PDE6G: variants seen among roughly 807,000 people sequenced by gnomAD.
PDE6G encodes phosphodiesterase 6G, also known as rod cGMP 3',5'-cyclic phosphodiesterase subunit gamma.
A neutral mutation model predicts 10.9 loss-of-function variants in PDE6G; 10 were observed. The ratio of observed to expected loss-of-function variants is 0.91; its 90% CI spans 0.56 to 1.55. The LOEUF (loss-of-function observed/expected upper bound fraction) is 1.55. Ranked by LOEUF, PDE6G falls within the 40% of genes most tolerant of loss-of-function variation. The pLI is 0.00. For missense variants in PDE6G, 102 were observed against 110.1 expected, an observed-to-expected ratio of 0.93 and a Z score of 0.33; for synonymous variants, 41 against 42.8, an observed-to-expected ratio of 0.96 and a Z score of 0.16.
At chr17:81,657,275 G>T (rs1315973620), upstream of PDE6G, among the ~76,000 whole-genome samples, 2 of 152,198 alleles carry the variant, frequency 1.3e-5, no homozygotes, top group African/African-American at 4.8e-5. Flanking sequence ...ACATGAGCGG[G>T]AGCTGAGGAC....
chr17:81,661,596 C>CAT (rs1173390310), intron 1 of PDE6G, among the ~76,000 whole-genome samples: 3 of 152,150 alleles, frequency 2.0e-5, no homozygotes, highest in African/African-American at 7.2e-5. Flanking sequence ...TGCAGTGGCT[C>CAT]ACGCCTGTAA....
chr17:81,652,103 C>A (rs1342121656), intron 2 of PDE6G, among the ~76,000 whole-genome samples: 1 of 151,688 alleles, frequency 6.6e-6, no homozygotes, highest in Non-Finnish European at 1.5e-5. Flanking sequence ...TGTGCGCACA[C>A]GTGTGAGTGG....
chr17:81,662,238 C>A (rs746762059), intron 1 of PDE6G, among the ~76,000 whole-genome samples: 11 of 152,092 alleles, frequency 7.2e-5, no homozygotes, highest in African/African-American at 2.2e-4. Context: ...CGTCAACCTT[C>A]GCAAAATAAC....
upstream of PDE6G, chr17:81,656,979 A>ACC (rs71166164): frequency 0.013 from 2,869 of 219,954 alleles, 78 homozygotes; most frequent in African/African-American, 0.065. Context: ...CCAAACAAGG[A>ACC]CCCCCCCCCG....
intron 1 of PDE6G, 38 bp downstream of exon 1, chr17:81,656,455 G>A (rs779815540): frequency 4.0e-6 from 3 of 744,718 alleles, no homozygotes; most frequent in African/African-American, 1.7e-5. Context: ...TGGGGGAAGT[G>A]GCTGCCAGGA....
chr17:81,653,102 G>A lies in PDE6G; in HGVS notation c.146+58C>T, dbSNP rs2036387748. ...GGCTCTGCCCCGCCCTCCCCTTCCT[G>A]TGCAGCCTCAGGACCGCCTCCTCCC... On this transcript the variant is annotated intron_variant, in intron 2 of 3. Coordinates refer to ENST00000331056, the MANE Select transcript of PDE6G (RefSeq NM_002602.4). The surrounding 1 kb of genome is among the most constrained non-coding windows in gnomAD (Gnocchi z 5.2). 10 of 1,594,994 alleles carry A rather than the reference G, an allele frequency of 6.3e-6. No homozygotes were observed. The highest frequency in any genetic ancestry group is 7.7e-6 in the Non-Finnish European group (9 of 1,163,766).
chr17:81,656,491 A>C lies in PDE6G; in HGVS notation c.-60+2T>G, dbSNP rs2036448275. On this transcript the variant is annotated splice_donor_variant, in intron 1 of 3. Transcript: ENST00000331056. LOFTEE classifies it low-confidence loss of function (5UTR_SPLICE). ...AAGACAGCGGGGTTGGCCACTACTC[A>C]CCAAGTGCAGGGCGGGTCTCAGGGG... The C allele has an allele frequency of 3.9e-6, 3 of 762,562 alleles. No individual in the cohort carries two copies. In the East Asian group the frequency reaches 7.3e-5, roughly 19 times the overall value. 47.2% of individuals were successfully genotyped at this position (762,562 alleles called of 1,614,324 possible).
At chr17:81,660,588 C>T (rs1033053147), upstream of PDE6G, among the ~76,000 whole-genome samples, 1 of 152,128 alleles carries the variant, frequency 6.6e-6, no homozygotes, top group Non-Finnish European at 1.5e-5. Flanking sequence ...CCTCCTCAGG[C>T]TCAAGCAATC....
Position 81,653,431 on chromosome 17 carries a change from C to T in PDE6G, c.-59-67G>A, listed in dbSNP as rs533492060. ...TTCCAACCCTTGTGGGGGTCTCAAC[C>T]CACCGGTGGAGGGGCTGAGACCCAG... is the stretch of plus-strand genomic sequence containing the variant. On this transcript the variant is annotated intron_variant, in intron 1 of 3. Coordinates refer to ENST00000331056, the MANE Select transcript of PDE6G (RefSeq NM_002602.4). The surrounding 1 kb of genome is among the most constrained non-coding windows in gnomAD (Gnocchi z 5.2). 9.1e-4 allele frequency: 1,038 copies of T among 1,141,312 alleles called. 3 individuals are homozygous for T. Among genetic ancestry groups the T allele is most frequent in the Middle Eastern group, 2.0e-3 (7 of 3,536 alleles). 70.7% of individuals were successfully genotyped at this position (1,141,312 alleles called of 1,614,324 possible). A position where few individuals can be genotyped will look rare whatever the true frequency, so the allele number is the denominator to read the frequency against.
Position 81,653,692 on chromosome 17 carries a change from G to T in PDE6G, c.-59-328C>A. ...CAACCTGTGGCAGGTCCTGAGCCTG[G>T]AGTCCTCACCACCTCCCTGTGGGTG... is the stretch of plus-strand genomic sequence containing the variant. On this transcript the variant is annotated intron_variant, in intron 1 of 3. Coordinates refer to ENST00000331056, the MANE Select transcript of PDE6G (RefSeq NM_002602.4). The surrounding 1 kb of genome is among the most constrained non-coding windows in gnomAD (Gnocchi z 5.2). 3.4e-6 allele frequency: 1 copy of T among 292,638 alleles called. No homozygotes were observed. Among genetic ancestry groups the T allele is most frequent in the South Asian group, 3.8e-5 (1 of 26,168 alleles). The allele number at this position is 292,638 out of a possible 1,614,324, so 18.1% of individuals were successfully genotyped here. A position where few individuals can be genotyped will look rare whatever the true frequency, so the allele number is the denominator to read the frequency against.
chr17:81,662,974 T>TAC (rs1457080227), intron 1 of PDE6G: 2 of 152,210 alleles, frequency 1.3e-5, no homozygotes, highest in African/African-American at 2.4e-5. Context: ...GCTTTGGGGA[T>TAC]CCTGGGTACC....
upstream of PDE6G, among the ~76,000 whole-genome samples, chr17:81,661,066 C>T (rs759036416): frequency 2.0e-5 from 3 of 152,230 alleles, no homozygotes; most frequent in African/African-American, 4.8e-5. Context: ...TACAGGCACA[C>T]ACCACCATGC....
At chr17:81,657,448 A>G (rs1037768906), upstream of PDE6G, among the ~76,000 whole-genome samples, 3 of 152,216 alleles carry the variant, frequency 2.0e-5, no homozygotes, top group African/African-American at 7.2e-5. Flanking sequence ...TCTGCACCAA[A>G]TCAGAAAACC....
chr17:81,660,771 C>T (rs1166794916), upstream of PDE6G, among the ~76,000 whole-genome samples: 2 of 152,292 alleles, frequency 1.3e-5, no homozygotes, highest in Middle Eastern at 3.4e-3. Context: ...GGATTACAGG[C>T]GTGAGCTGCC....
chr17:81,653,542 C>T lies in PDE6G; in HGVS notation c.-59-178G>A, dbSNP rs573813259. Reference sequence around the variant, plus strand: ...CCTGCCAGCTTTGCTTGGGTCCACCCGCACGCTCCCATTCCCCTTGCCTAG... The same window carrying T: ...CCTGCCAGCTTTGCTTGGGTCCACCTGCACGCTCCCATTCCCCTTGCCTAG... On this transcript the variant is annotated intron_variant, in intron 1 of 3. Transcript: ENST00000331056. This position sits in a 1 kb window ranked among gnomAD's most constrained non-coding sequence, Gnocchi z 5.2. The T allele has an allele frequency of 1.7e-4, 98 of 573,530 alleles. No homozygotes were observed. Among genetic ancestry groups the T allele is most frequent in the Non-Finnish European group, 2.7e-4 (86 of 319,548 alleles). 35.5% of individuals were successfully genotyped at this position (573,530 alleles called of 1,614,324 possible).
At chr17:81,659,090 C>T (rs971744150), upstream of PDE6G, among the ~76,000 whole-genome samples, 2 of 151,148 alleles carry the variant, frequency 1.3e-5, no homozygotes, top group African/African-American at 4.9e-5. Flanking sequence ...TCAAAAACCT[C>T]TTGTCCCACA....
At position 81,650,674 on chromosome 17, in the gene PDE6G, G is replaced by C. The variant is rs1357581015; in HGVS notation, c.*400C>G. The C allele has an allele frequency of 1.7e-5, 8 of 457,312 alleles. No homozygotes were observed. The highest frequency in any genetic ancestry group is 3.1e-5 in the Non-Finnish European group (7 of 229,040). The allele number at this position is 457,312 out of a possible 1,614,324, so 28.3% of individuals were successfully genotyped here. On this transcript the variant is annotated 3_prime_UTR_variant, in exon 4 of 4. Coordinates refer to ENST00000331056, the MANE Select transcript of PDE6G (RefSeq NM_002602.4). ...GTATCCCCTTACAGGCAGGACAGGG[G>C]GCTGGGGTGCAGAAGCACTCTGGGG...
At chr17:81,654,405 A>G in intron 1 of PDE6G, among the ~76,000 whole-genome samples, 2 of 131,696 alleles carry the variant, frequency 1.5e-5, no homozygotes, top group Admixed American at 8.2e-5. Context: ...TTTGAGACAG[A>G]GTCTTGCTCT....
chr17:81,654,130 A>C (rs11150803), intron 1 of PDE6G, among the ~76,000 whole-genome samples: 92,913 of 151,832 alleles, frequency 0.61, 29,537 homozygotes, highest in East Asian at 0.99. Flanking sequence ...TGCTACTCTG[A>C]TGAAAGTCCT....
Sources: gnomAD v4.1 joint callset for allele counts (sites outside exome capture counted in the v4.1 genomes callset) on GRCh38, gnomAD v4.1.1 for gene constraint, Gnocchi (gnomAD v3.1) non-coding constraint, MANE v1.5 for transcripts, NCBI Gene and HGNC (gene_info 2026-07-23, HGNC 2026-07-21) for gene names.